GABRB1: variants seen among roughly 807,000 people sequenced by gnomAD.
GABRB1 encodes the protein gamma-aminobutyric acid type A receptor subunit beta1.
In GABRB1, 17 loss-of-function variants were observed where a neutral mutation model predicts 51.6. That is an observed-to-expected ratio of 0.33 (90% CI 0.23 to 0.49). The LOEUF (loss-of-function observed/expected upper bound fraction) is 0.49. Ranked by LOEUF, GABRB1 falls within the 20% of genes least tolerant of loss-of-function variation. The pLI is 0.99. For missense variants in GABRB1, 410 were observed against 600.6 expected, an observed-to-expected ratio of 0.68 and a Z score of 3.32; for synonymous variants, 247 against 218.9, an observed-to-expected ratio of 1.13 and a Z score of -1.14.
intron 4 of GABRB1, among the ~76,000 whole-genome samples, chr4:47,242,814 A>G (rs948840095): frequency 6.6e-6 from 1 of 152,072 alleles, no homozygotes; most frequent in Non-Finnish European, 1.5e-5. Context: ...AGATTGTAAA[A>G]CTTTTCTCCC....
intron 4 of GABRB1, among the ~76,000 whole-genome samples, chr4:47,287,610 C>T (rs1723558655): frequency 6.6e-6 from 1 of 152,236 alleles, no homozygotes; most frequent in Non-Finnish European, 1.5e-5. Flanking sequence ...ATGATCCTCA[C>T]TTTCTGATAT....
At chr4:47,277,458 G>A (rs1261243980) in intron 4 of GABRB1, among the ~76,000 whole-genome samples, 3 of 151,992 alleles carry the variant, frequency 2.0e-5, no homozygotes, top group African/African-American at 7.2e-5. Flanking sequence ...TAGCACAATA[G>A]GGTGACTATA....
At chr4:47,038,898 A>C (rs1022364911) in intron 3 of GABRB1, among the ~76,000 whole-genome samples, 3 of 152,172 alleles carry the variant, frequency 2.0e-5, no homozygotes, top group African/African-American at 7.2e-5. Flanking sequence ...TTTATAGTTG[A>C]CTAAATATTA....
chr4:47,315,968 G>T (rs1724870966), intron 4 of GABRB1, among the ~76,000 whole-genome samples: 1 of 151,728 alleles, frequency 6.6e-6, no homozygotes, highest in African/African-American at 2.4e-5. Context: ...GAAATAGTCT[G>T]TACACCAAAT....
At chr4:47,386,077 T>C (rs778824722) in intron 5 of GABRB1, among the ~76,000 whole-genome samples, 4 of 152,176 alleles carry the variant, frequency 2.6e-5, no homozygotes, top group Non-Finnish European at 5.9e-5. Flanking sequence ...CACATAGGCA[T>C]GATGGATTAT....
intron 4 of GABRB1, among the ~76,000 whole-genome samples, chr4:47,212,702 C>G (rs939417569): frequency 1.3e-5 from 2 of 151,988 alleles, no homozygotes; most frequent in East Asian, 3.9e-4. Context: ...AAAAAGAAGA[C>G]AGCCAACCCC....
intron 4 of GABRB1, among the ~76,000 whole-genome samples, chr4:47,182,158 G>A (rs956362708): frequency 8.6e-5 from 13 of 151,956 alleles, no homozygotes; most frequent in Non-Finnish European, 1.8e-4. Context: ...TCTTGTTGAG[G>A]TTAAAAGGAT....
In GABRB1 at chr4:47,285,317, T is replaced by G. The variant is rs536554944; in HGVS notation, c.462-34810T>G. On this transcript the variant is annotated intron_variant, in intron 4 of 8. Coordinates refer to ENST00000295454, the MANE Select transcript of GABRB1 (RefSeq NM_000812.4). ...ATCATGCTCTCATGAAAGCCTCATG[T>G]TTACTATGCATAGCTTCCCAATGTA... 2.6e-5 allele frequency among the ~76,000 whole-genome samples: 4 copies of G among 152,348 alleles called. No homozygotes were observed. The East Asian group carries it at 7.7e-4, about 29-fold the overall frequency.
At chr4:47,131,948 T>A (rs1371372036) in intron 3 of GABRB1, among the ~76,000 whole-genome samples, 1 of 152,250 alleles carries the variant, frequency 6.6e-6, no homozygotes. Flanking sequence ...TTTTCCTTTA[T>A]AATTTCAATT....
intron 4 of GABRB1, among the ~76,000 whole-genome samples, chr4:47,307,486 G>A (rs1724513219): frequency 6.6e-6 from 1 of 151,880 alleles, no homozygotes; most frequent in Admixed American, 6.6e-5. Flanking sequence ...CAATTCACTT[G>A]ATTTTGATGG....
intron 3 of GABRB1, among the ~76,000 whole-genome samples, chr4:47,145,526 C>A (rs1043033343): frequency 4.0e-5 from 6 of 151,850 alleles, no homozygotes; most frequent in Non-Finnish European, 8.8e-5. Context: ...ACTTATCGCC[C>A]CAGAAAGAAA....
chr4:47,102,931 G>A (rs1577910504), intron 3 of GABRB1, among the ~76,000 whole-genome samples: 1 of 151,944 alleles, frequency 6.6e-6, no homozygotes, highest in South Asian at 2.1e-4. Context: ...ATAAAATGGG[G>A]GTAGAATTAA....
chr4:47,363,953 A>C (rs1452919960), intron 5 of GABRB1, among the ~76,000 whole-genome samples: 1 of 152,194 alleles, frequency 6.6e-6, no homozygotes, highest in East Asian at 1.9e-4. Flanking sequence ...CAGGACAGAG[A>C]ATATTCTTTT....
At chr4:47,344,155 T>G (rs147703319) in intron 5 of GABRB1, among the ~76,000 whole-genome samples, 1 of 152,210 alleles carries the variant, frequency 6.6e-6, no homozygotes, top group African/African-American at 2.4e-5. Context: ...TGTCTTCTAA[T>G]TCTGGATATG....
chr4:47,404,579 T>A (rs1728507567), intron 7 of GABRB1, among the ~76,000 whole-genome samples: 1 of 151,956 alleles, frequency 6.6e-6, no homozygotes, highest in Non-Finnish European at 1.5e-5. Context: ...CGGAGACTGT[T>A]AAGCTGGACT....
intron 3 of GABRB1, among the ~76,000 whole-genome samples, chr4:47,056,860 C>A (rs1726629740): frequency 6.6e-6 from 1 of 152,206 alleles, no homozygotes; most frequent in African/African-American, 2.4e-5. Context: ...GTACTCCCAG[C>A]ACTTTGGGAG....
At chr4:47,204,407 C>G (rs1449628172) in intron 4 of GABRB1, among the ~76,000 whole-genome samples, 2 of 152,114 alleles carry the variant, frequency 1.3e-5, no homozygotes. Flanking sequence ...TCAAATATCC[C>G]AAAAGTAGGT....
intron 3 of GABRB1, among the ~76,000 whole-genome samples, chr4:47,085,998 C>A (rs760005815): frequency 3.9e-5 from 6 of 152,182 alleles, no homozygotes; most frequent in Admixed American, 2.0e-4. Context: ...GCAGAAGAAG[C>A]AAATTCACAT....
At chr4:47,338,895 G>T (rs1725790520) in intron 5 of GABRB1, among the ~76,000 whole-genome samples, 1 of 152,030 alleles carries the variant, frequency 6.6e-6, no homozygotes, top group Non-Finnish European at 1.5e-5. Context: ...GGAGTTGGGG[G>T]CAGATGTGCT....
Sources: gnomAD v4.1 joint callset for allele counts (sites outside exome capture counted in the v4.1 genomes callset) on GRCh38, gnomAD v4.1.1 for gene constraint, MANE v1.5 for transcripts, NCBI Gene and HGNC (gene_info 2026-07-23, HGNC 2026-07-21) for gene names.